Variants in SMLR1 observed in about 807,000 individuals in gnomAD.
SMLR1 encodes the protein small leucine-rich protein 1.
Under a neutral mutation model 6.1 loss-of-function variants are expected in SMLR1, and 3 were observed. The observed-to-expected ratio is 0.49, with a 90% CI of 0.22 to 1.28. The LOEUF (loss-of-function observed/expected upper bound fraction) is 1.28, where lower values mean the gene tolerates loss of function less well. Among genes scored for constraint, SMLR1 ranks in the 50% most tolerant of loss-of-function variants. SMLR1 has a pLI of 0.19. For missense variants in SMLR1, 126 were observed against 124.8 expected, an observed-to-expected ratio of 1.01 and a Z score of -0.05; for synonymous variants, 55 against 53.6, an observed-to-expected ratio of 1.03 and a Z score of -0.11.
At chr6:130,830,921 T>C (rs1306463484) in intron 1 of SMLR1, among the ~76,000 whole-genome samples, 2 of 151,914 alleles carry the variant, frequency 1.3e-5, no homozygotes, top group South Asian at 4.1e-4. Flanking sequence ...AATCAAGAAC[T>C]AACCATAAAA....
chr6:130,836,365 GCTTT>G lies in SMLR1; in HGVS notation c.*1415_*1418del. ...GGGGGAAATCAGCTTATGTAAAAATGCTTTCTTTAACAGAAAGTGTGAAAGGACA... is the reference window on the plus strand; with the variant it reads ...GGGGGAAATCAGCTTATGTAAAAATGCTTTAACAGAAAGTGTGAAAGGACA... On this transcript the variant is annotated 3_prime_UTR_variant, in exon 2 of 2. Coordinates refer to ENST00000541421, the MANE Select transcript of SMLR1 (RefSeq NM_001195597.2). The G allele has an allele frequency of 6.6e-6, 1 of 152,278 alleles. No homozygotes were observed. The highest frequency in any genetic ancestry group is 2.4e-5 in the African/African-American group (1 of 41,568). 9.4% of individuals were successfully genotyped at this position (152,278 alleles called of 1,614,324 possible).
chr6:130,827,782 A>T, intron 1 of SMLR1, 131 bp downstream of exon 1: 2 of 692,662 alleles, frequency 2.9e-6, no homozygotes, highest in South Asian at 4.0e-5. Flanking sequence ...GGTACTTCTC[A>T]ATCAGTGTTC....
At chr6:130,834,677 C>T (rs59946656) in intron 1 of SMLR1, among the ~76,000 whole-genome samples, 193 bp from the exon 2 acceptor site, 4,120 of 152,124 alleles carry the variant, frequency 0.027, 189 homozygotes, top group African/African-American at 0.094. Context: ...AGAAAGAAGC[C>T]TTTACATTTC....
intron 1 of SMLR1, among the ~76,000 whole-genome samples, chr6:130,832,524 G>A (rs772582662): frequency 2.6e-5 from 4 of 152,138 alleles, no homozygotes; most frequent in African/African-American, 4.8e-5. Context: ...ACTATAGGAC[G>A]GGTATGGTGA....
intron 1 of SMLR1, 41 bp from the exon 2 acceptor site, chr6:130,834,829 T>A: frequency 6.7e-7 from 1 of 1,500,106 alleles, no homozygotes. Flanking sequence ...CCAATGGCAC[T>A]CAGATGTCTC....
chr6:130,828,811 TTTTC>T (rs1442837907), intron 1 of SMLR1, among the ~76,000 whole-genome samples: 1 of 152,182 alleles, frequency 6.6e-6, no homozygotes. Flanking sequence ...TGATAAATCC[TTTTC>T]TTTGTTAAGT....
chr6:130,834,540 T>C (rs1439054415), intron 1 of SMLR1, among the ~76,000 whole-genome samples: 1 of 152,158 alleles, frequency 6.6e-6, no homozygotes, highest in African/African-American at 2.4e-5. Flanking sequence ...TTGGGAGGGA[T>C]GAGCAGGGGC....
rs540171005 is a variant in SMLR1, at chr6:130,836,151, A to C, written c.*1196A>C. 3 of 152,282 alleles carry C rather than the reference A, an allele frequency of 2.0e-5. No individual in the cohort carries two copies. Among genetic ancestry groups the C allele is most frequent in the East Asian group, 3.9e-4 (2 of 5,190 alleles). The allele number at this position is 152,282 out of a possible 1,614,324, so 9.4% of individuals were successfully genotyped here. A position where few individuals can be genotyped will look rare whatever the true frequency, so the allele number is the denominator to read the frequency against. On this transcript the variant is annotated 3_prime_UTR_variant, in exon 2 of 2. Transcript: ENST00000541421. ...CATTCCGTGAGTAGTTTCCATTTGC[A>C]CTTCTTGCATAATATAAAACTTATT...
chr6:130,833,898 C>T (rs1026036137), intron 1 of SMLR1, among the ~76,000 whole-genome samples: 9 of 152,072 alleles, frequency 5.9e-5, no homozygotes, highest in Admixed American at 6.6e-5. Context: ...TACAATGTAT[C>T]AAGTAAGGGA....
At chr6:130,834,433 A>G (rs1305423268) in intron 1 of SMLR1, among the ~76,000 whole-genome samples, 2 of 152,182 alleles carry the variant, frequency 1.3e-5, no homozygotes, top group Non-Finnish European at 2.9e-5. Flanking sequence ...GCAGGTTGCA[A>G]AAAGCTGAAA....
Position 130,836,542 on chromosome 6 carries a change from A to G in SMLR1, c.*1587A>G, listed in dbSNP as rs910079024. 2 of 152,210 alleles carry G rather than the reference A, an allele frequency of 1.3e-5. No homozygotes were observed. The highest frequency in any genetic ancestry group is 4.8e-5 in the African/African-American group (2 of 41,470). The allele number at this position is 152,210 out of a possible 1,614,324, so 9.4% of individuals were successfully genotyped here. A position where few individuals can be genotyped will look rare whatever the true frequency, so the allele number is the denominator to read the frequency against. ...CCACCATCTCAGCTATTGTGATAAC[A>G]CATGAGCTCTATATAGACATGTTTT... On this transcript the variant is annotated 3_prime_UTR_variant, in exon 2 of 2. Transcript: ENST00000541421.
chr6:130,831,476 C>A (rs374864953), intron 1 of SMLR1, among the ~76,000 whole-genome samples: 1 of 152,092 alleles, frequency 6.6e-6, no homozygotes, highest in African/African-American at 2.4e-5. Flanking sequence ...AAAAGCCACC[C>A]AAACTCTAAG....
intron 1 of SMLR1, among the ~76,000 whole-genome samples, chr6:130,828,523 A>G (rs1157715227): frequency 1.3e-5 from 2 of 152,324 alleles, no homozygotes; most frequent in African/African-American, 4.8e-5. Flanking sequence ...ACATGAAGGC[A>G]TTTCTTGGAC....
intron 1 of SMLR1, 108 bp from the exon 2 acceptor site, chr6:130,834,762 C>T (rs1199152068): frequency 1.9e-5 from 16 of 862,290 alleles, no homozygotes; most frequent in Middle Eastern, 2.7e-4. Flanking sequence ...TTCTGTGACT[C>T]GCCAAGGCCA....
At chr6:130,830,692 A>G (rs570258923) in intron 1 of SMLR1, among the ~76,000 whole-genome samples, 2 of 152,302 alleles carry the variant, frequency 1.3e-5, no homozygotes, top group African/African-American at 4.8e-5. Context: ...CACAAGATAC[A>G]GGTCATAAAG....
At chr6:130,834,768 G>A in intron 1 of SMLR1, 102 bp from the exon 2 acceptor site, 1 of 930,058 alleles carries the variant, frequency 1.1e-6, no homozygotes, top group Non-Finnish European at 1.7e-6. Flanking sequence ...GACTCGCCAA[G>A]GCCACCAGTG....
In SMLR1 at chr6:130,835,036, T is replaced by C; in HGVS notation, c.*81T>C. On this transcript the variant is annotated 3_prime_UTR_variant, in exon 2 of 2. Transcript: ENST00000541421. Reference sequence around the variant, plus strand: ...ATGGCCAACAGTTCAGCTAATAAAGTAGGTTGATAAACTAGAACCATAGCA... The same window carrying C: ...ATGGCCAACAGTTCAGCTAATAAAGCAGGTTGATAAACTAGAACCATAGCA... 1 of 1,108,462 alleles carries C rather than the reference T, an allele frequency of 9.0e-7. No individual in the cohort carries two copies. Among genetic ancestry groups the C allele is most frequent in the African/African-American group, 1.6e-5 (1 of 64,432 alleles). The allele number at this position is 1,108,462 out of a possible 1,614,324, so 68.7% of individuals were successfully genotyped here. A position where few individuals can be genotyped will look rare whatever the true frequency, so the allele number is the denominator to read the frequency against.
intron 1 of SMLR1, among the ~76,000 whole-genome samples, chr6:130,829,759 C>T (rs1774384616): frequency 6.6e-6 from 1 of 152,192 alleles, no homozygotes; most frequent in South Asian, 2.1e-4. Flanking sequence ...TGACATGCTA[C>T]TGAGCTTTTC....
chr6:130,827,425 A>C lies in SMLR1; in HGVS notation c.12A>C (p.Lys4Asn). MLS[K>N]GRSPRRKQVQ... Reference sequence around the variant, plus strand: ...AATTCCACTGAGACATGCTGAGCAAAGGCCGGAGCCCCAGAAGAAAACAAG... The same window carrying C: ...AATTCCACTGAGACATGCTGAGCAACGGCCGGAGCCCCAGAAGAAAACAAG... Residue 4 changes from lysine (K) to asparagine (N), a missense_variant, in exon 1 of 2, where the codon AAA (lysine) becomes AAC (asparagine). Lys to Asn is a moderately conservative substitution (Grantham distance 94, BLOSUM62 0). Transcript: ENST00000541421. The C allele has an allele frequency of 6.5e-7, 1 of 1,535,904 alleles. No individual in the cohort carries two copies. Among genetic ancestry groups the C allele is most frequent in the African/African-American group, 1.4e-5 (1 of 73,142 alleles).
Sources: gnomAD v4.1 joint callset for allele counts (sites outside exome capture counted in the v4.1 genomes callset) on GRCh38, gnomAD v4.1.1 for gene constraint, MANE v1.5 for transcripts, NCBI Gene and HGNC (gene_info 2026-07-23, HGNC 2026-07-21) for gene names.